CNTNAP3B: variants seen among roughly 807,000 people sequenced by gnomAD.
CNTNAP3B encodes contactin associated protein family member 3B.
A neutral mutation model predicts 108.9 loss-of-function variants in CNTNAP3B; 25 were observed. The ratio of observed to expected loss-of-function variants is 0.23; its 90% confidence interval spans 0.17 to 0.32. The LOEUF (loss-of-function observed/expected upper bound fraction) is 0.32. Ranked by LOEUF, CNTNAP3B falls within the 10% of genes least tolerant of loss-of-function variation. The probability of loss-of-function intolerance (pLI) is 1.00; values close to 1 mark genes in which losing one functional copy is unlikely to be tolerated. For missense variants in CNTNAP3B, 252 were observed against 1,210.4 expected, an observed-to-expected ratio of 0.21 and a Z score of 11.75; for synonymous variants, 103 against 473.4, an observed-to-expected ratio of 0.22 and a Z score of 10.16.
chr9:41,922,502 A>G (rs1364706704), intron 17 of CNTNAP3B, among the ~76,000 whole-genome samples, 175 bp downstream of exon 17: 1 of 143,216 alleles, frequency 7.0e-6, no homozygotes, highest in African/African-American at 2.7e-5. Flanking sequence ...CAAACAAAAG[A>G]AATGTCACAT....
chr9:41,960,443 A>T (rs1300799720), intron 12 of CNTNAP3B: 2 of 205,408 alleles, frequency 9.7e-6, no homozygotes, highest in East Asian at 1.2e-4. Context: ...TAGCATTTTT[A>T]AACACCTCTG....
At chr9:42,099,065 T>C (rs1827971241) in intron 2 of CNTNAP3B, among the ~76,000 whole-genome samples, 1 of 138,436 alleles carries the variant, frequency 7.2e-6, no homozygotes, top group Non-Finnish European at 1.5e-5. Flanking sequence ...CCTGAGCTTT[T>C]TCAAAATAAC....
intron 1 of CNTNAP3B, among the ~76,000 whole-genome samples, chr9:42,121,267 C>T (rs1377553275): frequency 7.2e-6 from 1 of 138,948 alleles, no homozygotes. Context: ...CTCAATGACA[C>T]CCCCTTTTGG....
In CNTNAP3B at chr9:41,953,318, C is replaced by T. The variant is rs762176334; in HGVS notation, c.1945G>A (p.Gly649Arg). The T allele has an allele frequency of 3.6e-5, 56 of 1,544,826 alleles. No individual in the cohort carries two copies. Among genetic ancestry groups the T allele is most frequent in the African/African-American group, 1.4e-4 (10 of 72,842 alleles). ...AAGGACACAGCCGAGAGCGGGTGCC[C>T]GCTGGGGGCACCTCGGAGGGTCACC... ...DAVTLRGAPS[G>R]HPLSAVSFAY... is the part of the protein sequence containing the mutation. The change falls in exon 13 of 24, where the codon GGG becomes AGG. Residue 649 changes from glycine (G) to arginine (R), a missense_variant. Physicochemically the swap from Gly to Arg is moderately radical, Grantham distance 125. Transcript: ENST00000377561.
At position 42,123,723 on chromosome 9, in the gene CNTNAP3B, C is replaced by T. The variant is rs3100843; in HGVS notation, c.85+5287G>A. 1.6e-4 allele frequency among the ~76,000 whole-genome samples: 22 copies of T among 138,166 alleles called. 4 individuals are homozygous for T. Among genetic ancestry groups the T allele is most frequent in the Middle Eastern group, 3.6e-3 (1 of 280 alleles). The allele number at this position is 138,166 out of a possible 152,430, so 90.6% of individuals were successfully genotyped here. A position where few individuals can be genotyped will look rare whatever the true frequency, so the allele number is the denominator to read the frequency against. ...ATGACATTCAATAAACTTTTTTCCA[C>T]GGGATTTAGTTACAAAATAAGTTAA... On this transcript the variant is annotated intron_variant, in intron 1 of 23. Transcript: ENST00000377561.
rs1401637007 is a variant in CNTNAP3B, at chr9:42,126,807, TG to T, written c.85+2202del. Among the ~76,000 whole-genome samples the T allele has an allele frequency of 8.0e-5, 11 of 137,866 alleles. No homozygotes were observed. The South Asian group carries it at 2.1e-3, about 26-fold the overall frequency. 90.4% of individuals were successfully genotyped at this position (137,866 alleles called of 152,430 possible). A position where few individuals can be genotyped will look rare whatever the true frequency, so the allele number is the denominator to read the frequency against. On this transcript the variant is annotated intron_variant, in intron 1 of 23. Coordinates refer to ENST00000377561, the MANE Select transcript of CNTNAP3B (RefSeq NM_001201380.3). ...CTGGTCTCGAACTCCTGACCTCAGG[TG>T]ATCCACCCACCTCGGCCTCCCAAAG...
chr9:42,056,739 C>T (rs1251878720), intron 3 of CNTNAP3B, among the ~76,000 whole-genome samples: 1 of 128,580 alleles, frequency 7.8e-6, no homozygotes, highest in Non-Finnish European at 1.6e-5. Context: ...AATCTTTATC[C>T]ATTGATGTGT....
chr9:42,094,744 AAGGGAGGG>A (rs755068295), intron 2 of CNTNAP3B, among the ~76,000 whole-genome samples: 57 of 81,484 alleles, frequency 7.0e-4, no homozygotes, highest in African/African-American at 2.4e-3. Flanking sequence ...AAGGAGGAGG[AAGGGAGGG>A]AGGGAGGGAG....
At chr9:42,041,950 G>T (rs1304589562) in intron 3 of CNTNAP3B, among the ~76,000 whole-genome samples, 1 of 134,684 alleles carries the variant, frequency 7.4e-6, no homozygotes, top group Non-Finnish European at 1.6e-5. Context: ...CATGGATGAA[G>T]CTGGAAACCA....
chr9:42,029,498 T>C (rs1826473928), intron 3 of CNTNAP3B, among the ~76,000 whole-genome samples: 1 of 123,596 alleles, frequency 8.1e-6, no homozygotes, highest in African/African-American at 3.4e-5. Context: ...ATAAATGTAT[T>C]AATAAACCAA....
intron 2 of CNTNAP3B, among the ~76,000 whole-genome samples, chr9:42,094,353 A>T (rs1827857007): frequency 7.4e-6 from 1 of 134,946 alleles, no homozygotes; most frequent in South Asian, 2.4e-4. Flanking sequence ...CATTTAAAAA[A>T]AAAAAACAAA....
chr9:42,117,031 C>G (rs1409333676), intron 1 of CNTNAP3B, among the ~76,000 whole-genome samples: 1 of 138,838 alleles, frequency 7.2e-6, no homozygotes, highest in African/African-American at 2.9e-5. Context: ...AAAGCAAGTC[C>G]TTAGAGGTGT....
rs1032035456 is a variant in CNTNAP3B at position 41,945,610 on chromosome 9, C to T, written c.2081-7210G>A. On this transcript the variant is annotated intron_variant, in intron 13 of 23. Transcript: ENST00000377561. ...GAAGGGGAACATCACACACCGGGGC[C>T]TGTCATGGGGTGTGGGGAGAGGGGA... Among the ~76,000 whole-genome samples the T allele has an allele frequency of 2.0e-5, 3 of 152,302 alleles. No homozygotes were observed. In the South Asian group the frequency reaches 6.2e-4, roughly 32 times the overall value.
chr9:41,932,960 C>T (rs1377720215), intron 14 of CNTNAP3B, among the ~76,000 whole-genome samples: 6 of 152,240 alleles, frequency 3.9e-5, no homozygotes, highest in African/African-American at 1.4e-4. Flanking sequence ...GCATTAATTA[C>T]TACAGCAATA....
chr9:41,934,106 TATATATATATATATATACACACAC>T (rs1824069096), intron 14 of CNTNAP3B, among the ~76,000 whole-genome samples: 1 of 132,418 alleles, frequency 7.6e-6, no homozygotes, highest in African/African-American at 3.0e-5. Flanking sequence ...GTTACATATA[TATATATATATATATATACACACAC>T]ATATATATAT....
chr9:42,108,775 C>T (rs1180033668), intron 1 of CNTNAP3B, among the ~76,000 whole-genome samples: 1 of 139,560 alleles, frequency 7.2e-6, no homozygotes, highest in Non-Finnish European at 1.5e-5. Context: ...TGTCCCCTGA[C>T]CCCTGCCTGG....
chr9:42,003,798 T>TA (rs1370013633), intron 4 of CNTNAP3B, among the ~76,000 whole-genome samples: 2 of 132,672 alleles, frequency 1.5e-5, no homozygotes, highest in African/African-American at 6.0e-5. Context: ...CTACTAAAAA[T>TA]ACAAAAAAAT....
At chr9:42,058,306 G>C (rs1252105572) in intron 3 of CNTNAP3B, among the ~76,000 whole-genome samples, 1 of 152,188 alleles carries the variant, frequency 6.6e-6, no homozygotes, top group Non-Finnish European at 1.5e-5. Flanking sequence ...TTCCATAATG[G>C]ATATACAAAT....
intron 13 of CNTNAP3B, among the ~76,000 whole-genome samples, chr9:41,942,446 T>C (rs1293202293): frequency 1.3e-5 from 2 of 151,764 alleles, no homozygotes; most frequent in Admixed American, 6.6e-5. Context: ...CCGTATCTAC[T>C]AAAAATAGAA....
Sources: gnomAD v4.1 joint callset for allele counts (sites outside exome capture counted in the v4.1 genomes callset) on GRCh38, gnomAD v4.1.1 for gene constraint, MANE v1.5 for transcripts, NCBI Gene and HGNC (gene_info 2026-07-23, HGNC 2026-07-21) for gene names.